The following EVI5 variants were observed in gnomAD, a reference collection of about 807,000 sequenced individuals.
EVI5 encodes the protein ecotropic viral integration site 5 protein homolog.
EVI5 carries 73 observed loss-of-function variants against 112.0 expected under a neutral mutation model. That is an observed-to-expected ratio of 0.65 (90% CI 0.54 to 0.79). The LOEUF is 0.79. Among genes scored for constraint, EVI5 ranks in the 30% least tolerant of loss-of-function variants. The pLI, the probability that EVI5 is intolerant of heterozygous loss-of-function variation, is 0.00. For synonymous variants in EVI5, 305 were observed against 319.9 expected, an observed-to-expected ratio of 0.95 and a Z score of 0.50; for missense variants, 900 against 968.8, an observed-to-expected ratio of 0.93 and a Z score of 0.94.
At chr1:92,595,367 A>G (rs1180699320) in intron 18 of EVI5, among the ~76,000 whole-genome samples, 2 of 151,754 alleles carry the variant, frequency 1.3e-5, no homozygotes, top group Non-Finnish European at 2.9e-5. Context: ...TTGAACAATG[A>G]GAACACACGG....
intron 1 of EVI5, among the ~76,000 whole-genome samples, chr1:92,739,000 G>T (rs530111577): frequency 6.6e-6 from 1 of 152,096 alleles, no homozygotes; most frequent in South Asian, 2.1e-4. Flanking sequence ...GGCCGGGCAC[G>T]GTGGCTCACA....
chr1:92,676,551 C>T (rs748014842), intron 10 of EVI5, among the ~76,000 whole-genome samples: 1 of 152,180 alleles, frequency 6.6e-6, no homozygotes, highest in African/African-American at 2.4e-5. Context: ...CAAGTCCCAG[C>T]TCCAACAGTG....
chr1:92,634,507 C>T (rs187951036), intron 14 of EVI5, among the ~76,000 whole-genome samples: 113 of 152,262 alleles, frequency 7.4e-4, no homozygotes, highest in Non-Finnish European at 1.3e-3. Context: ...ACGTAGTTCT[C>T]GTGCCGTGGT....
chr1:92,717,113 T>C (rs543252952), intron 2 of EVI5, among the ~76,000 whole-genome samples: 39 of 152,262 alleles, frequency 2.6e-4, no homozygotes, highest in African/African-American at 8.7e-4. Context: ...CCGAAAACCA[T>C]GGCATGAGAA....
chr1:92,643,039 G>C (rs1440284427), intron 13 of EVI5, among the ~76,000 whole-genome samples: 1 of 152,198 alleles, frequency 6.6e-6, no homozygotes, highest in Non-Finnish European at 1.5e-5. Flanking sequence ...GACTTAGACA[G>C]TTGGTCTCAT....
chr1:92,595,890 A>G (rs1647681738), intron 18 of EVI5, among the ~76,000 whole-genome samples: 1 of 152,244 alleles, frequency 6.6e-6, no homozygotes, highest in Non-Finnish European at 1.5e-5. Flanking sequence ...GAAGCTGTCA[A>G]TATGCTATTA....
At chr1:92,714,301 T>A (rs931655128) in intron 2 of EVI5, 1 of 215,908 alleles carries the variant, frequency 4.6e-6, no homozygotes, top group Admixed American at 6.5e-5. Flanking sequence ...GTTATTTTTA[T>A]ACTTTCTGAA....
At chr1:92,634,888 C>T (rs567258417) in intron 14 of EVI5, among the ~76,000 whole-genome samples, 2 of 152,290 alleles carry the variant, frequency 1.3e-5, no homozygotes, top group Admixed American at 6.5e-5. Context: ...TGTTAGTTTT[C>T]CTTCTACCAG....
intron 18 of EVI5, among the ~76,000 whole-genome samples, chr1:92,566,227 TA>T (rs1189767743): frequency 6.6e-6 from 1 of 152,184 alleles, no homozygotes; most frequent in African/African-American, 2.4e-5. Context: ...TTAGTGTAAT[TA>T]ATATTTGCAT....
intron 16 of EVI5, among the ~76,000 whole-genome samples, chr1:92,619,245 T>A (rs1653957874): frequency 6.6e-6 from 1 of 152,104 alleles, no homozygotes; most frequent in South Asian, 2.1e-4. Flanking sequence ...CCAGTGAATA[T>A]AAAGCAGGCA....
chr1:92,666,051 T>C, intron 10 of EVI5, 59 bp from the exon 11 acceptor site: 1 of 1,050,844 alleles, frequency 9.5e-7, no homozygotes, highest in Non-Finnish European at 1.4e-6. Context: ...AAAAGATTTC[T>C]AAATCACAGT....
intron 18 of EVI5, among the ~76,000 whole-genome samples, chr1:92,573,301 G>C (rs1670583056): frequency 6.6e-6 from 1 of 152,146 alleles, no homozygotes; most frequent in Non-Finnish European, 1.5e-5. Context: ...TTCTGACACA[G>C]CCAGTGACCT....
At chr1:92,734,213 C>G (rs1676970765) in intron 2 of EVI5, among the ~76,000 whole-genome samples, 1 of 152,180 alleles carries the variant, frequency 6.6e-6, no homozygotes, top group African/African-American at 2.4e-5. Flanking sequence ...TTCTTGGTAT[C>G]ACTTAACTGC....
At chr1:92,661,093 T>C (rs910601126) in intron 13 of EVI5, among the ~76,000 whole-genome samples, 1 of 151,978 alleles carries the variant, frequency 6.6e-6, no homozygotes, top group Non-Finnish European at 1.5e-5. Context: ...AGAATCTAGT[T>C]CCATAAATAA....
In EVI5 at chr1:92,648,913, T is replaced by G. The variant is rs550944303; in HGVS notation, c.1393-12577A>C. ...TGAGTTGAATAGCAGGGTACCATGA[T>G]AATTCTATGCTTAACTTTTTGAGGA... is the stretch of plus-strand genomic sequence containing the variant. On this transcript the variant is annotated intron_variant, in intron 13 of 19. Transcript: ENST00000684568. 5.9e-5 allele frequency among the ~76,000 whole-genome samples: 9 copies of G among 152,344 alleles called. No homozygotes were observed. The East Asian group carries it at 1.5e-3, about 26-fold the overall frequency.
rs565827898 is a variant in EVI5 at position 92,730,774 on chromosome 1, T to C, written c.149+5624A>G. On this transcript the variant is annotated intron_variant, in intron 2 of 19. Transcript: ENST00000684568. ...AACATCAAGCTTAATGCTTTCTTCT[T>C]AAGATCAGAAAAAGAACAGGTATGT... is the stretch of plus-strand genomic sequence containing the variant. Among the ~76,000 whole-genome samples the C allele has an allele frequency of 9.2e-5, 14 of 152,124 alleles. 1 individual carries two copies. The highest frequency in any genetic ancestry group is 9.2e-4 in the Admixed American group (14 of 15,260).
chr1:92,594,541 G>A (rs1283986545), intron 18 of EVI5, among the ~76,000 whole-genome samples: 8 of 150,416 alleles, frequency 5.3e-5, no homozygotes, highest in African/African-American at 2.0e-4. Context: ...AAAAGCAATG[G>A]CAACAAAAGC....
chr1:92,750,908 T>C (rs1680082952), intron 1 of EVI5, among the ~76,000 whole-genome samples: 1 of 152,194 alleles, frequency 6.6e-6, no homozygotes, highest in Non-Finnish European at 1.5e-5. Context: ...CCCAGCACTT[T>C]GGGAGGCCGA....
At chr1:92,615,372 TAG>T (rs750410979) in intron 16 of EVI5, among the ~76,000 whole-genome samples, 11 of 151,926 alleles carry the variant, frequency 7.2e-5, no homozygotes, top group Non-Finnish European at 1.3e-4. Context: ...TGAATGAGAG[TAG>T]ACAGTCACAA....
Sources: gnomAD v4.1 joint callset for allele counts (sites outside exome capture counted in the v4.1 genomes callset) on GRCh38, gnomAD v4.1.1 for gene constraint, MANE v1.5 for transcripts, NCBI Gene and HGNC (gene_info 2026-07-23, HGNC 2026-07-21) for gene names.